Variants in SYT10 observed in about 807,000 individuals in gnomAD.
SYT10 encodes synaptotagmin-10.
SYT10 carries 31 observed loss-of-function variants against 51.1 expected under a neutral mutation model. That is an observed-to-expected ratio of 0.61 (90% confidence interval 0.46 to 0.82). The LOEUF is 0.82. Ranked by LOEUF, SYT10 falls within the 40% of genes least tolerant of loss-of-function variation. SYT10 has a pLI of 0.00. For missense variants in SYT10, 603 were observed against 634.0 expected (o/e 0.95, Z 0.53); for synonymous variants, 233 against 225.9 (o/e 1.03, Z -0.28).
intron 3 of SYT10, chr12:33,404,743 G>A: frequency 6.6e-6 from 1 of 152,172 alleles, no homozygotes; most frequent in East Asian, 1.9e-4. Context: ...GACTACATTT[G>A]TGGTAATTTC....
intron 4 of SYT10, among the ~76,000 whole-genome samples, chr12:33,382,764 G>C (rs539575018): frequency 6.6e-6 from 1 of 152,154 alleles, no homozygotes; most frequent in Non-Finnish European, 1.5e-5. Context: ...TACCTAGACA[G>C]ATAGAGATGA....
chr12:33,391,318 C>T (rs972364432), intron 3 of SYT10, among the ~76,000 whole-genome samples: 8 of 151,614 alleles, frequency 5.3e-5, no homozygotes, highest in East Asian at 1.9e-4. Context: ...ATGGGAAGAG[C>T]GATGAAAGAT....
intron 2 of SYT10, chr12:33,424,049 T>C (rs544150009): frequency 1.3e-4 from 57 of 455,036 alleles, no homozygotes; most frequent in Non-Finnish European, 2.5e-4. Context: ...GTGAAATGAT[T>C]GATATAAAAG....
At chr12:33,402,389 A>G (rs538675309) in intron 3 of SYT10, among the ~76,000 whole-genome samples, 1 of 152,312 alleles carries the variant, frequency 6.6e-6, no homozygotes, top group African/African-American at 2.4e-5. Context: ...ACTTTTCTTC[A>G]GAATTCTATC....
intron 2 of SYT10, among the ~76,000 whole-genome samples, chr12:33,412,905 G>A (rs756133748): frequency 2.0e-5 from 3 of 151,956 alleles, no homozygotes; most frequent in East Asian, 1.9e-4. Flanking sequence ...GAGGAAGTTC[G>A]AACCCATCCA....
At chr12:33,402,826 T>A (rs1331124859) in intron 3 of SYT10, among the ~76,000 whole-genome samples, 1 of 152,048 alleles carries the variant, frequency 6.6e-6, no homozygotes, top group Non-Finnish European at 1.5e-5. Flanking sequence ...CTTAAGACCC[T>A]TAAAAACAAC....
At chr12:33,377,428 AGAG>A (rs1425716057) in intron 6 of SYT10, among the ~76,000 whole-genome samples, 2 of 151,712 alleles carry the variant, frequency 1.3e-5, no homozygotes, top group African/African-American at 2.4e-5. Context: ...AAGAGCAGTA[AGAG>A]GTTCTAAACA....
chr12:33,383,172 T>C (rs977933596), intron 4 of SYT10, among the ~76,000 whole-genome samples: 3 of 152,174 alleles, frequency 2.0e-5, no homozygotes, highest in African/African-American at 7.2e-5. Context: ...ATGATGGTTA[T>C]ACAAAATTTC....
At chr12:33,411,018 T>C (rs1256657728) in intron 2 of SYT10, among the ~76,000 whole-genome samples, 1 of 152,206 alleles carries the variant, frequency 6.6e-6, no homozygotes, top group East Asian at 1.9e-4. Context: ...TACTATTATG[T>C]TCCCAAATGA....
rs767787877 is a variant in SYT10 at position 33,406,887 on chromosome 12, G to A, written c.979C>T (p.His327Tyr). 1 of 1,614,010 alleles carries A rather than the reference G, an allele frequency of 6.2e-7. No homozygotes were observed. Among genetic ancestry groups the A allele is most frequent in the South Asian group, 1.1e-5 (1 of 91,082 alleles). Residue 327 changes from histidine to tyrosine, a missense_variant, in exon 3 of 7, where the codon CAT (histidine) becomes TAT (tyrosine). His to Tyr is a moderately conservative substitution (Grantham distance 83, BLOSUM62 2). Transcript: ENST00000228567. Reference protein sequence around the residue: ...SVYDFDRFSRHDMIGEVILDN... With the variant: ...SVYDFDRFSRYDMIGEVILDN... ...AGAATCACTTCCCCAATCATGTCAT[G>A]TCTAGAAAATCTGTCAAAATCATAC... is the stretch of plus-strand genomic sequence containing the variant.
Position 33,385,280 on chromosome 12 carries a change from G to T in SYT10, c.1089C>A (p.Asp363Glu), listed in dbSNP as rs747701569. 7.4e-6 allele frequency: 12 copies of T among 1,613,058 alleles called. No individual in the cohort carries two copies. The highest frequency in any genetic ancestry group is 2.7e-5 in the African/African-American group (2 of 74,858). The change falls in exon 4 of 7, where the codon GAC becomes GAA. Residue 363 changes from aspartate (D) to glutamate (E), a missense_variant. Coordinates refer to ENST00000228567, the MANE Select transcript of SYT10 (RefSeq NM_198992.4). Reference sequence around the variant, plus strand: ...AAAGGGAAAACATGATTTCACCCAGGTCTATACTTTCCTAGAAAGGCAATC... The same window carrying T: ...AAAGGGAAAACATGATTTCACCCAGTTCTATACTTTCCTAGAAAGGCAATC... ...DIHCATTESIDLGEIMFSLCY... is the reference protein window; with the variant it reads ...DIHCATTESIELGEIMFSLCY...
intron 3 of SYT10, among the ~76,000 whole-genome samples, chr12:33,400,572 T>G (rs1360568313): frequency 1.2e-5 from 1 of 82,616 alleles, no homozygotes; most frequent in East Asian, 7.6e-4. Flanking sequence ...TAGAACACAG[T>G]TGGTGCAAAA....
In SYT10 at chr12:33,439,557, C is replaced by A. The variant is rs1200753080; in HGVS notation, c.-35G>T. The A allele has an allele frequency of 5.0e-6, 8 of 1,605,786 alleles. No individual in the cohort carries two copies. The highest frequency in any genetic ancestry group is 8.5e-7 in the Non-Finnish European group (1 of 1,175,184). On this transcript the variant is annotated 5_prime_UTR_variant, in exon 1 of 7. Coordinates refer to ENST00000228567, the MANE Select transcript of SYT10 (RefSeq NM_198992.4). The stretch of plus-strand genomic sequence containing the variant: ...TTTCTTTCGTTTTCTCTTTTTTTCC[C>A]AGTTAGCCGTCTTTTCCTCTTCCCG...
intron 1 of SYT10, 67 bp downstream of exon 1, chr12:33,439,305 G>C: frequency 6.5e-7 from 1 of 1,546,728 alleles, no homozygotes; most frequent in South Asian, 1.2e-5. Context: ...CAGAACCCCG[G>C]AGCTTGCAGC....
intron 2 of SYT10, among the ~76,000 whole-genome samples, chr12:33,415,059 T>G (rs1446331881): frequency 1.3e-5 from 2 of 152,126 alleles, no homozygotes; most frequent in Non-Finnish European, 2.9e-5. Context: ...CAGAAGAAAG[T>G]GTTTAAAGAC....
At position 33,414,838 on chromosome 12, in the gene SYT10, G is replaced by A. The variant is rs1866439343; in HGVS notation, c.510-7482C>T. Among the ~76,000 whole-genome samples, 13 of 152,320 alleles carry A rather than the reference G, an allele frequency of 8.5e-5. No individual in the cohort carries two copies. In the South Asian group the frequency reaches 2.7e-3, roughly 32 times the overall value. On this transcript the variant is annotated intron_variant, in intron 2 of 6. Transcript: ENST00000228567. ...CTTGCCCCATCTAACCTGGAACTCT[G>A]AGGGTAGCTAGATATAGTCAACATT...
intron 3 of SYT10, among the ~76,000 whole-genome samples, chr12:33,396,967 A>G (rs2138402850): frequency 6.6e-6 from 1 of 152,288 alleles, no homozygotes; most frequent in East Asian, 1.9e-4. Flanking sequence ...GATCCTTTGA[A>G]GTTCTTTATG....
chr12:33,439,220 G>T, intron 1 of SYT10, 152 bp downstream of exon 1: 1 of 1,000,968 alleles, frequency 1.0e-6, no homozygotes, highest in Non-Finnish European at 1.4e-6. Flanking sequence ...GAAGTCGTCA[G>T]GAGCTGAGCG....
chr12:33,388,200 C>T (rs887045074), intron 3 of SYT10, among the ~76,000 whole-genome samples: 15 of 151,988 alleles, frequency 9.9e-5, no homozygotes, highest in African/African-American at 3.6e-4. Context: ...AATAATAATG[C>T]CTCAGTAACT....
Sources: gnomAD v4.1 joint callset for allele counts (sites outside exome capture counted in the v4.1 genomes callset) on GRCh38, gnomAD v4.1.1 for gene constraint, MANE v1.5 for transcripts, NCBI Gene and HGNC (gene_info 2026-07-23, HGNC 2026-07-21) for gene names.